The following USP3 variants were observed in gnomAD, a reference collection of about 807,000 sequenced individuals.
USP3 encodes the protein ubiquitin carboxyl-terminal hydrolase 3.
Under a neutral mutation model 72.3 loss-of-function variants are expected in USP3, and 20 were observed. The observed-to-expected ratio is 0.28, with a 90% CI of 0.19 to 0.40. The LOEUF is 0.40. USP3 is among the 10% of genes least tolerant of loss of function. The pLI, the probability that USP3 is intolerant of heterozygous loss-of-function variation, is 1.00. For missense variants in USP3, 479 were observed against 633.9 expected, an observed-to-expected ratio of 0.76 and a Z score of 2.62; for synonymous variants, 222 against 225.3, an observed-to-expected ratio of 0.99 and a Z score of 0.13.
intron 2 of USP3, chr15:63,533,752 A>T (rs1484217550): frequency 2.4e-6 from 2 of 816,802 alleles, no homozygotes; most frequent in Non-Finnish European, 3.4e-6. Flanking sequence ...ACCTTTGGAA[A>T]ATGTTAACTG....
intron 3 of USP3, among the ~76,000 whole-genome samples, chr15:63,549,407 A>G (rs943697513): frequency 1.3e-5 from 2 of 152,226 alleles, no homozygotes; most frequent in African/African-American, 4.8e-5. Flanking sequence ...CAGCACTGTC[A>G]AAATATCCAT....
chr15:63,517,761 C>T (rs1166839992), intron 1 of USP3, among the ~76,000 whole-genome samples: 1 of 152,182 alleles, frequency 6.6e-6, no homozygotes, highest in African/African-American at 2.4e-5. Flanking sequence ...GTGTTCAGTC[C>T]TGTCCTTACC....
intron 5 of USP3, 87 bp downstream of exon 5, chr15:63,556,835 T>TTACA (rs1214531221): frequency 2.0e-5 from 18 of 913,700 alleles, no homozygotes; most frequent in Non-Finnish European, 3.0e-5. Context: ...ATGTTACCTG[T>TTACA]TACAGACTTT....
At chr15:63,511,037 T>G (rs1450856850) in intron 1 of USP3, among the ~76,000 whole-genome samples, 3 of 151,910 alleles carry the variant, frequency 2.0e-5, no homozygotes, top group Non-Finnish European at 4.4e-5. Flanking sequence ...CATCTATTAG[T>G]TTTACTGAGT....
At chr15:63,563,038 A>G (rs377724314) in intron 8 of USP3, 30 bp downstream of exon 8, 24 of 1,474,018 alleles carry the variant, frequency 1.6e-5, no homozygotes, top group Non-Finnish European at 2.2e-5. Context: ...ATTTTTAAAC[A>G]TTAATATTAG....
At chr15:63,587,153 A>G (rs1230691127) in intron 11 of USP3, among the ~76,000 whole-genome samples, 2 of 152,156 alleles carry the variant, frequency 1.3e-5, no homozygotes, top group African/African-American at 2.4e-5. Flanking sequence ...GACAAATGAC[A>G]TAAAAGTCAG....
In USP3 at chr15:63,559,839, C is replaced by T; in HGVS notation, c.534-18C>T. 1 of 1,592,012 alleles carries T rather than the reference C, an allele frequency of 6.3e-7. No individual in the cohort carries two copies. Among genetic ancestry groups the T allele is most frequent in the Non-Finnish European group, 8.6e-7 (1 of 1,168,310 alleles). ...ATTCTTTTCTTTTTAAAATATTTTT[C>T]CCTTCCTTTTAAAATAGTAACATTG... On this transcript the variant is annotated intron_variant, in intron 6 of 14. Transcript: ENST00000380324.
Position 63,530,512 on chromosome 15 carries a change from C to T in USP3, c.92-2135C>T, listed in dbSNP as rs114234410. On this transcript the variant is annotated intron_variant, in intron 1 of 14. Coordinates refer to ENST00000380324, the MANE Select transcript of USP3 (RefSeq NM_006537.4). ...ATTTTTTGTAGAGATGGAGTTTCAC[C>T]ATTTTACCAAAGCTGGTCTCGAACT... The T allele has an allele frequency of 2.9e-3, 1,018 of 355,090 alleles. 14 individuals are homozygous for T. Among genetic ancestry groups the T allele is most frequent in the African/African-American group, 0.021 (938 of 44,732 alleles). The allele number at this position is 355,090 out of a possible 1,614,324, so 22.0% of individuals were successfully genotyped here.
chr15:63,507,633 C>T (rs946462444), intron 1 of USP3, among the ~76,000 whole-genome samples: 22 of 152,138 alleles, frequency 1.4e-4, no homozygotes, highest in Admixed American at 1.4e-3. Flanking sequence ...CAGAACTCAA[C>T]AAGATTACAA....
intron 11 of USP3, among the ~76,000 whole-genome samples, chr15:63,581,635 T>G (rs1252545954): frequency 6.7e-6 from 1 of 149,316 alleles, no homozygotes. Context: ...GACCTCATGA[T>G]CCACCTGCCT....
At chr15:63,564,007 A>G (rs895936348) in intron 8 of USP3, among the ~76,000 whole-genome samples, 1 of 152,196 alleles carries the variant, frequency 6.6e-6, no homozygotes, top group Non-Finnish European at 1.5e-5. Flanking sequence ...TGTCAGGAAA[A>G]ACATAAGAAT....
chr15:63,506,800 T>G (rs539299405), intron 1 of USP3, among the ~76,000 whole-genome samples: 1 of 152,254 alleles, frequency 6.6e-6, no homozygotes, highest in South Asian at 2.1e-4. Context: ...GTCTGACATA[T>G]AGCTTTGCAA....
chr15:63,515,154 C>T (rs894860379), intron 1 of USP3, among the ~76,000 whole-genome samples: 5 of 152,144 alleles, frequency 3.3e-5, no homozygotes, highest in South Asian at 2.1e-4. Context: ...CCTTTCCCCT[C>T]GTTTAGAGGT....
intron 7 of USP3, among the ~76,000 whole-genome samples, chr15:63,561,649 G>A (rs2066609761): frequency 6.6e-6 from 1 of 152,236 alleles, no homozygotes; most frequent in Admixed American, 6.5e-5. Flanking sequence ...CCCAGGCTGT[G>A]TACCTGTGCT....
At chr15:63,551,780 T>C (rs554231989) in intron 3 of USP3, 1 of 152,342 alleles carries the variant, frequency 6.6e-6, no homozygotes, top group South Asian at 2.1e-4. Context: ...ATTGTATTCC[T>C]CAGTTGCAGT....
intron 5 of USP3, among the ~76,000 whole-genome samples, chr15:63,557,748 T>G (rs2066537693): frequency 6.6e-6 from 1 of 152,250 alleles, no homozygotes. Flanking sequence ...TTATATTTTT[T>G]CCATTTCTCT....
chr15:63,504,954 G>C (rs1273455650), intron 1 of USP3, 124 bp downstream of exon 1: 5 of 644,792 alleles, frequency 7.8e-6, no homozygotes, highest in Non-Finnish European at 1.0e-5. Context: ...AGCCGGGCCC[G>C]GCGGGCTGGG....
chr15:63,584,349 C>T (rs1177773425), intron 11 of USP3, among the ~76,000 whole-genome samples: 5 of 152,152 alleles, frequency 3.3e-5, no homozygotes, highest in South Asian at 2.1e-4. Flanking sequence ...CTACCCGCCT[C>T]GGCCTCCCAA....
At position 63,504,661 on chromosome 15, in the gene USP3, A is replaced by G. The variant is rs1203370332; in HGVS notation, c.-79A>G. 5.1e-5 allele frequency: 65 copies of G among 1,283,260 alleles called. No homozygotes were observed. The highest frequency in any genetic ancestry group is 6.5e-5 in the Non-Finnish European group (62 of 951,676). 79.5% of individuals were successfully genotyped at this position (1,283,260 alleles called of 1,614,324 possible). On this transcript the variant is annotated 5_prime_UTR_variant, in exon 1 of 15. Transcript: ENST00000380324. ...AGCGCCCGGCTAGAAGCGACACCAGACGGAGCCTCCGGAGTTCCTCCGCCC... is the reference window on the plus strand; with the variant it reads ...AGCGCCCGGCTAGAAGCGACACCAGGCGGAGCCTCCGGAGTTCCTCCGCCC...
Sources: gnomAD v4.1 joint callset for allele counts (sites outside exome capture counted in the v4.1 genomes callset) on GRCh38, gnomAD v4.1.1 for gene constraint, MANE v1.5 for transcripts, NCBI Gene and HGNC (gene_info 2026-07-23, HGNC 2026-07-21) for gene names.